CHRDL1: variants seen among roughly 807,000 people sequenced by gnomAD.
CHRDL1 encodes chordin like 1.
In CHRDL1, 19 loss-of-function variants were observed where a neutral mutation model predicts 40.9. The ratio of observed to expected loss-of-function variants is 0.46; its 90% CI spans 0.32 to 0.68. The LOEUF (loss-of-function observed/expected upper bound fraction) is 0.68. Ranked by LOEUF, CHRDL1 falls within the 30% of genes least tolerant of loss-of-function variation. The pLI, the probability that CHRDL1 is intolerant of heterozygous loss-of-function variation, is 0.03. For synonymous variants in CHRDL1, 136 were observed against 123.4 expected, an observed-to-expected ratio of 1.10 and a Z score of -0.68; for missense variants, 329 against 352.1, an observed-to-expected ratio of 0.93 and a Z score of 0.53.
chrX:110,773,001 T>C (rs142488404), intron 2 of CHRDL1, among the ~76,000 whole-genome samples: 2,403 of 112,579 alleles, frequency 0.021, 67 homozygotes, highest in African/African-American at 0.073. Flanking sequence ...GCAAAAAGTT[T>C]AGAAATGACC....
chrX:110,728,024 T>A (rs1001362682), intron 4 of CHRDL1, among the ~76,000 whole-genome samples: 3 of 111,490 alleles, frequency 2.7e-5, no homozygotes, highest in African/African-American at 9.7e-5. Flanking sequence ...CTCTGTGCAC[T>A]AATACAGAAA....
Position 110,755,671 on chromosome X carries a change from C to T in CHRDL1, c.301+3990G>A, listed in dbSNP as rs73528257. Among the ~76,000 whole-genome samples, 287 of 111,984 alleles carry T rather than the reference C, an allele frequency of 2.6e-3. 2 individuals are homozygous for T. The highest frequency in any genetic ancestry group is 8.1e-3 in the African/African-American group (249 of 30,893). On this transcript the variant is annotated intron_variant, in intron 4 of 11. Transcript: ENST00000372042. ...TTTGCTTATTTGTCGTCTTTTTATA[C>T]GGAGCTTATTCATCATCTTGGCTTT...
chrX:110,681,836 CA>C (rs775056354), intron 9 of CHRDL1, among the ~76,000 whole-genome samples, 187 bp from the exon 10 acceptor site: 1 of 112,592 alleles, frequency 8.9e-6, no homozygotes, highest in Admixed American at 9.4e-5. Flanking sequence ...GCCACTGCAA[CA>C]AGCCACAGAT....
intron 5 of CHRDL1, 45 bp from the exon 6 acceptor site, chrX:110,719,973 G>C: frequency 1.1e-6 from 1 of 872,894 alleles, no homozygotes; most frequent in East Asian, 3.2e-5. Context: ...TCTAGGATAA[G>C]TGTAAAGGCT....
rs1453257712 is a variant in CHRDL1 at position 110,675,286 on chromosome X, G to A, written c.*945C>T. ...TTATTGATGTGAAAGCAAAAAGATGGCCTTTTTGAATTCTATCAACTTCTT... is the reference window on the plus strand; with the variant it reads ...TTATTGATGTGAAAGCAAAAAGATGACCTTTTTGAATTCTATCAACTTCTT... On this transcript the variant is annotated 3_prime_UTR_variant, in exon 12 of 12. Coordinates refer to ENST00000372042, the MANE Select transcript of CHRDL1 (RefSeq NM_001143981.2). 1 of 111,157 alleles carries A rather than the reference G, an allele frequency of 9.0e-6. No individual in the cohort carries two copies. Among genetic ancestry groups the A allele is most frequent in the Non-Finnish European group, 1.9e-5 (1 of 52,945 alleles). 9.2% of individuals were successfully genotyped at this position (111,157 alleles called of 1,213,427 possible). A position where few individuals can be genotyped will look rare whatever the true frequency, so the allele number is the denominator to read the frequency against.
intron 2 of CHRDL1, among the ~76,000 whole-genome samples, chrX:110,763,633 CATT>C (rs2089606888): frequency 9.1e-6 from 1 of 109,498 alleles, no homozygotes; most frequent in Non-Finnish European, 1.9e-5. Context: ...TTTATCCACT[CATT>C]GATTGATGGG....
In CHRDL1 at chrX:110,675,035, CA is replaced by C. The variant is rs2069746272; in HGVS notation, c.*1195del. ...GGATAAAGATCTTCATCAGAATATC[CA>C]CCTCCCTAAATGAACAACAATTTTC... On this transcript the variant is annotated 3_prime_UTR_variant, in exon 12 of 12. Transcript: ENST00000372042. 1 of 111,771 alleles carries C rather than the reference CA, an allele frequency of 8.9e-6. No individual in the cohort carries two copies. The highest frequency in any genetic ancestry group is 2.8e-4 in the East Asian group (1 of 3,539). 9.2% of individuals were successfully genotyped at this position (111,771 alleles called of 1,213,427 possible).
At chrX:110,759,623 G>A (rs1381626319) in intron 4 of CHRDL1, 38 bp downstream of exon 4, 1 of 955,067 alleles carries the variant, frequency 1.0e-6, no homozygotes, top group African/African-American at 1.9e-5. Flanking sequence ...GGGAAATGGA[G>A]AACCACAGCT....
intron 2 of CHRDL1, among the ~76,000 whole-genome samples, chrX:110,777,088 A>G (rs1231328592): frequency 1.8e-5 from 2 of 111,599 alleles, no homozygotes; most frequent in African/African-American, 6.5e-5. Flanking sequence ...TATAGTTGGA[A>G]TCAAACAGTA....
At chrX:110,766,239 G>A (rs768642901) in intron 2 of CHRDL1, among the ~76,000 whole-genome samples, 7 of 110,767 alleles carry the variant, frequency 6.3e-5, no homozygotes, top group East Asian at 2.9e-4. Context: ...CACCTACATC[G>A]AAAAGTCTGA....
At position 110,689,703 on chromosome X, in the gene CHRDL1, ATATCTATATATATATCTATATATATC is replaced by A. The variant is rs1224280014; in HGVS notation, c.779-926_779-901del. Among the ~76,000 whole-genome samples, 3 of 45,231 alleles carry A rather than the reference ATATCTATATATATATCTATATATATC, an allele frequency of 6.6e-5. No homozygotes were observed. The South Asian group carries it at 2.2e-3, about 34-fold the overall frequency. The allele number at this position is 45,231 out of a possible 115,157, so 39.3% of individuals were successfully genotyped here. ...TATATCTATATATCTATATATCTAT[ATATCTATATATATATCTATATATATC>A]TATATATCTATATATATCTATATAT... On this transcript the variant is annotated intron_variant, in intron 8 of 11. Transcript: ENST00000372042.
At chrX:110,728,085 ACTAC>A (rs2071089643) in intron 4 of CHRDL1, among the ~76,000 whole-genome samples, 1 of 110,897 alleles carries the variant, frequency 9.0e-6, no homozygotes, top group African/African-American at 3.3e-5. Context: ...TGCACAATAG[ACTAC>A]CTTTTATGTA....
chrX:110,686,590 A>G (rs1186307669), intron 9 of CHRDL1, among the ~76,000 whole-genome samples: 1 of 111,307 alleles, frequency 9.0e-6, no homozygotes, highest in Non-Finnish European at 1.9e-5. Flanking sequence ...ATAATAGGTC[A>G]TTGTTGCTGG....
intron 5 of CHRDL1, among the ~76,000 whole-genome samples, chrX:110,720,372 AATACAAAACT>A (rs2070927476): frequency 8.9e-6 from 1 of 112,038 alleles, no homozygotes; most frequent in South Asian, 3.8e-4. Flanking sequence ...TCTCTGGGGT[AATACAAAACT>A]ATACAAGATG....
At chrX:110,692,949 T>C (rs2070309585) in intron 8 of CHRDL1, among the ~76,000 whole-genome samples, 2 of 112,530 alleles carry the variant, frequency 1.8e-5, no homozygotes, top group African/African-American at 6.5e-5. Flanking sequence ...AATCATTTGG[T>C]TTAATAATTT....
chrX:110,759,627 C>G, intron 4 of CHRDL1, 34 bp downstream of exon 4: 2 of 988,871 alleles, frequency 2.0e-6, no homozygotes, highest in Non-Finnish European at 2.9e-6. Flanking sequence ...AATGGAGAAC[C>G]ACAGCTAGGA....
intron 8 of CHRDL1, among the ~76,000 whole-genome samples, chrX:110,689,709 A>C (rs1403461063): frequency 6.6e-5 from 2 of 30,301 alleles, no homozygotes; most frequent in African/African-American, 5.2e-4. Flanking sequence ...CTATATATCT[A>C]TATATATATC....
intron 7 of CHRDL1, among the ~76,000 whole-genome samples, chrX:110,698,008 A>C (rs1014334613): frequency 9.0e-6 from 1 of 111,591 alleles, no homozygotes; most frequent in African/African-American, 3.3e-5. Context: ...CTTCCTGTGC[A>C]CTTCATAAAA....
intron 7 of CHRDL1, among the ~76,000 whole-genome samples, chrX:110,696,380 A>G (rs2070386201): frequency 9.0e-6 from 1 of 111,076 alleles, no homozygotes; most frequent in Non-Finnish European, 1.9e-5. Flanking sequence ...TCAGTCCCCC[A>G]GAACCTAATC....
Sources: gnomAD v4.1 joint callset for allele counts (sites outside exome capture counted in the v4.1 genomes callset) on GRCh38, gnomAD v4.1.1 for gene constraint, MANE v1.5 for transcripts, NCBI Gene and HGNC (gene_info 2026-07-23, HGNC 2026-07-21) for gene names.